The following CAB39L variants were observed in gnomAD, a reference collection of about 807,000 sequenced individuals.
The protein encoded by CAB39L is calcium binding protein 39 like, also known as calcium-binding protein 39-like.
CAB39L carries 23 observed loss-of-function variants against 39.1 expected under a neutral mutation model. The observed-to-expected ratio is 0.59, with a 90% CI of 0.42 to 0.83. CAB39L has a LOEUF of 0.83. Among genes scored for constraint, CAB39L ranks in the 40% least tolerant of loss-of-function variants. The pLI is 0.00. For synonymous variants in CAB39L, 126 were observed against 137.2 expected, an observed-to-expected ratio of 0.92 and a Z score of 0.57; for missense variants, 366 against 391.9, an observed-to-expected ratio of 0.93 and a Z score of 0.56.
At chr13:49,351,402 C>T (rs1271690010) in intron 6 of CAB39L, among the ~76,000 whole-genome samples, 2 of 151,410 alleles carry the variant, frequency 1.3e-5, no homozygotes, top group Admixed American at 6.6e-5. Context: ...ACAGGCTTGG[C>T]GAAACAGAGA....
At chr13:49,438,123 C>T (rs1209197225) in intron 1 of CAB39L, among the ~76,000 whole-genome samples, 1 of 152,174 alleles carries the variant, frequency 6.6e-6, no homozygotes, top group Non-Finnish European at 1.5e-5. Context: ...AGGCATTAGC[C>T]ACCGTGTCCA....
intron 7 of CAB39L, among the ~76,000 whole-genome samples, chr13:49,349,346 T>TA (rs916926942): frequency 7.3e-5 from 11 of 151,128 alleles, no homozygotes; most frequent in Non-Finnish European, 5.9e-5. Context: ...GTAAAACTTG[T>TA]AAAAAAAAGT....
intron 9 of CAB39L, among the ~76,000 whole-genome samples, chr13:49,336,477 A>T (rs1954851041): frequency 6.6e-6 from 1 of 152,230 alleles, no homozygotes; most frequent in South Asian, 2.1e-4. Context: ...AATGAAAAAC[A>T]GGAAAGATGC....
intron 3 of CAB39L, among the ~76,000 whole-genome samples, chr13:49,422,086 GA>G (rs1213869648): frequency 6.6e-6 from 1 of 152,096 alleles, no homozygotes; most frequent in Admixed American, 6.5e-5. Flanking sequence ...TGTCAACACT[GA>G]GATGAAACAG....
chr13:49,340,433 C>T (rs1326441018), intron 8 of CAB39L, among the ~76,000 whole-genome samples: 1 of 152,290 alleles, frequency 6.6e-6, no homozygotes, highest in East Asian at 1.9e-4. Flanking sequence ...AGATCAGGAA[C>T]TGAAGAGGGT....
intron 7 of CAB39L, among the ~76,000 whole-genome samples, chr13:49,345,509 T>C (rs1340169791): frequency 6.6e-6 from 1 of 152,036 alleles, no homozygotes; most frequent in Non-Finnish European, 1.5e-5. Flanking sequence ...TTTACAGGGG[T>C]TCCGTTCCCA....
At position 49,310,616 on chromosome 13, in the gene CAB39L, A is replaced by T. The variant is rs1953955461; in HGVS notation, c.*198T>A. ...GTTCTCATTTCACATAAATAATCAC[A>T]GACTTGACTAAAATGAATATATTAT... is the stretch of plus-strand genomic sequence containing the variant. On this transcript the variant is annotated 3_prime_UTR_variant, in exon 11 of 11. Coordinates refer to ENST00000409308, the MANE Select transcript of CAB39L (RefSeq NM_001079670.3). 1 of 484,894 alleles carries T rather than the reference A, an allele frequency of 2.1e-6. No individual in the cohort carries two copies. The highest frequency in any genetic ancestry group is 3.6e-6 in the Non-Finnish European group (1 of 275,392). The allele number at this position is 484,894 out of a possible 1,614,324, so 30.0% of individuals were successfully genotyped here. A position where few individuals can be genotyped will look rare whatever the true frequency, so the allele number is the denominator to read the frequency against.
intron 5 of CAB39L, among the ~76,000 whole-genome samples, chr13:49,371,194 T>G (rs1955907754): frequency 6.7e-6 from 1 of 150,290 alleles, no homozygotes; most frequent in South Asian, 2.1e-4. Flanking sequence ...TCTTTCTTTT[T>G]TTTTTTTTTT....
intron 3 of CAB39L, among the ~76,000 whole-genome samples, chr13:49,424,985 A>C (rs921375835): frequency 2.0e-5 from 3 of 152,188 alleles, no homozygotes; most frequent in African/African-American, 7.2e-5. Context: ...AAAATCCACA[A>C]GAATGCATTA....
intron 5 of CAB39L, among the ~76,000 whole-genome samples, chr13:49,371,209 T>C (rs749432136): frequency 1.1e-4 from 15 of 138,472 alleles, no homozygotes; most frequent in Non-Finnish European, 2.2e-4. Context: ...TTTTTTGAGA[T>C]GGAGTTTCAC....
At position 49,359,750 on chromosome 13, in the gene CAB39L, C is replaced by T. The variant is rs1195026236; in HGVS notation, c.359G>A (p.Ser120Asn). ...CATAAACAGGATATGAGGATGAGCA[C>T]TAATATACTCCACAGTAGGACTCCG... is the stretch of plus-strand genomic sequence containing the variant. ...GTRSPTVEYI[S>N]AHPHILFMLL... The change falls in exon 6 of 11, where the codon AGT becomes AAT. Residue 120 changes from serine to asparagine, a missense_variant. Ser to Asn is a conservative substitution (Grantham distance 46, BLOSUM62 1). Coordinates refer to ENST00000409308, the MANE Select transcript of CAB39L (RefSeq NM_001079670.3). 9 of 1,610,820 alleles carry T rather than the reference C, an allele frequency of 5.6e-6. No homozygotes were observed. In the East Asian group the frequency reaches 1.8e-4, roughly 32 times the overall value.
At chr13:49,390,760 A>T (rs1052270135) in intron 3 of CAB39L, among the ~76,000 whole-genome samples, 3 of 152,208 alleles carry the variant, frequency 2.0e-5, no homozygotes, top group Non-Finnish European at 4.4e-5. Flanking sequence ...AGAATTGAAA[A>T]ACAAATCCAC....
At chr13:49,403,209 T>A (rs1313525059) in intron 3 of CAB39L, among the ~76,000 whole-genome samples, 2 of 152,092 alleles carry the variant, frequency 1.3e-5, no homozygotes, top group African/African-American at 4.8e-5. Flanking sequence ...AGAAATCTCA[T>A]AATATACAGG....
chr13:49,365,943 C>A (rs1955758886), intron 5 of CAB39L, among the ~76,000 whole-genome samples: 1 of 152,086 alleles, frequency 6.6e-6, no homozygotes, highest in Non-Finnish European at 1.5e-5. Flanking sequence ...AAATGTGGTA[C>A]CCTATACACA....
chr13:49,401,751 G>T (rs1417015803), intron 3 of CAB39L, among the ~76,000 whole-genome samples: 1 of 152,024 alleles, frequency 6.6e-6, no homozygotes, highest in Admixed American at 6.6e-5. Flanking sequence ...AAACTGGCTG[G>T]ACCACCTTGT....
chr13:49,427,171 T>C (rs1291363730), intron 3 of CAB39L, among the ~76,000 whole-genome samples: 1 of 152,218 alleles, frequency 6.6e-6, no homozygotes, highest in Non-Finnish European at 1.5e-5. Context: ...GTGACAGTGT[T>C]GCATTATAAA....
At chr13:49,396,879 A>C (rs7330132) in intron 3 of CAB39L, among the ~76,000 whole-genome samples, 1 of 152,092 alleles carries the variant, frequency 6.6e-6, no homozygotes, top group Non-Finnish European at 1.5e-5. Context: ...GAGTACATAC[A>C]TATGTCAATA....
chr13:49,337,286 A>G (rs1954875372), intron 9 of CAB39L, among the ~76,000 whole-genome samples: 1 of 152,226 alleles, frequency 6.6e-6, no homozygotes, highest in Non-Finnish European at 1.5e-5. Flanking sequence ...AAAAAATGAC[A>G]ATACAAGTGT....
chr13:49,315,911 A>G (rs1954145781), intron 10 of CAB39L, among the ~76,000 whole-genome samples: 2 of 151,590 alleles, frequency 1.3e-5, no homozygotes, highest in South Asian at 2.1e-4. Context: ...AAAAGAAAAG[A>G]AAAGAAAGAT....
Sources: gnomAD v4.1 joint callset for allele counts (sites outside exome capture counted in the v4.1 genomes callset) on GRCh38, gnomAD v4.1.1 for gene constraint, MANE v1.5 for transcripts, NCBI Gene and HGNC (gene_info 2026-07-23, HGNC 2026-07-21) for gene names.